Variants in CDK6 observed in about 807,000 individuals in gnomAD.
CDK6 encodes cyclin dependent kinase 6.
In CDK6, 6 loss-of-function variants were observed where a neutral mutation model predicts 37.1. The observed-to-expected ratio is 0.16, with a 90% CI of 0.09 to 0.32. The LOEUF (loss-of-function observed/expected upper bound fraction) is 0.32, where lower values mean the gene tolerates loss of function less well. Among genes scored for constraint, CDK6 ranks in the 10% least tolerant of loss-of-function variants. CDK6 has a pLI of 1.00. For missense variants in CDK6, 224 were observed against 418.9 expected, an observed-to-expected ratio of 0.53 and a Z score of 4.06; for synonymous variants, 160 against 161.3, an observed-to-expected ratio of 0.99 and a Z score of 0.06.
intron 4 of CDK6, among the ~76,000 whole-genome samples, chr7:92,697,668 A>AACC (rs2116654114): frequency 6.6e-6 from 1 of 152,288 alleles, no homozygotes; most frequent in East Asian, 1.9e-4. Flanking sequence ...TCACAGCTCT[A>AACC]ACCAATTGGT....
chr7:92,710,924 T>C, intron 4 of CDK6: 1 of 926,176 alleles, frequency 1.1e-6, no homozygotes. Context: ...GGATGCTTTA[T>C]TAGAGGACAG....
chr7:92,810,075 T>C (rs1215127093), intron 2 of CDK6, among the ~76,000 whole-genome samples: 2 of 152,226 alleles, frequency 1.3e-5, no homozygotes, highest in African/African-American at 4.8e-5. Flanking sequence ...CTGTCAATTC[T>C]ATATGCTGGT....
chr7:92,695,105 G>T (rs17164721), intron 4 of CDK6, among the ~76,000 whole-genome samples: 10,067 of 152,010 alleles, frequency 0.066, 678 homozygotes, highest in East Asian at 0.33. Flanking sequence ...ACAAAGTTAT[G>T]TCAATAATAG....
chr7:92,806,166 A>G (rs1295402815), intron 2 of CDK6, among the ~76,000 whole-genome samples: 2 of 152,188 alleles, frequency 1.3e-5, no homozygotes, highest in Non-Finnish European at 2.9e-5. Context: ...CTTCTTGAAA[A>G]AAGCATGATT....
intron 4 of CDK6, among the ~76,000 whole-genome samples, chr7:92,672,190 T>TACACAC (rs71107866): frequency 0.065 from 4,048 of 62,392 alleles, 334 homozygotes; most frequent in East Asian, 0.097. Context: ...CACAGACACA[T>TACACAC]ACACACACAC....
chr7:92,823,921 C>G (rs1801244448), intron 2 of CDK6, among the ~76,000 whole-genome samples: 1 of 152,062 alleles, frequency 6.6e-6, no homozygotes, highest in South Asian at 2.1e-4. Flanking sequence ...CCCATCCTAG[C>G]CTTCCAAAGT....
At chr7:92,695,273 A>G (rs2116649316) in intron 4 of CDK6, among the ~76,000 whole-genome samples, 1 of 142,498 alleles carries the variant, frequency 7.0e-6, no homozygotes, top group Non-Finnish European at 1.5e-5. Flanking sequence ...CCCTGAGGTA[A>G]AAAAAAAAAA....
At chr7:92,664,234 A>T (rs1002194088) in intron 5 of CDK6, among the ~76,000 whole-genome samples, 8 of 152,146 alleles carry the variant, frequency 5.3e-5, no homozygotes, top group African/African-American at 1.9e-4. Context: ...GAAAATATCC[A>T]ACAAAAGGTA....
At chr7:92,719,669 G>A (rs2116698003) in intron 4 of CDK6, among the ~76,000 whole-genome samples, 1 of 152,280 alleles carries the variant, frequency 6.6e-6, no homozygotes, top group African/African-American at 2.4e-5. Context: ...TTTGGCACAG[G>A]CATTTGAAGG....
At chr7:92,785,911 GCGAAGA>G (rs1359312010) in intron 2 of CDK6, among the ~76,000 whole-genome samples, 2 of 152,176 alleles carry the variant, frequency 1.3e-5, no homozygotes, top group East Asian at 3.8e-4. Context: ...ATGTTAAAAA[GCGAAGA>G]CTGCTGATAT....
chr7:92,815,523 G>C (rs1276245198), intron 2 of CDK6, among the ~76,000 whole-genome samples: 2 of 152,180 alleles, frequency 1.3e-5, no homozygotes, highest in Non-Finnish European at 2.9e-5. Flanking sequence ...TTGGACTATA[G>C]GTAGTAGAGG....
chr7:92,766,408 A>G (rs1023509736), intron 3 of CDK6, among the ~76,000 whole-genome samples: 1 of 152,190 alleles, frequency 6.6e-6, no homozygotes, highest in Admixed American at 6.5e-5. Context: ...TTGGGGCTCA[A>G]ACAACTGGCA....
At chr7:92,627,593 G>T (rs771551866) in intron 5 of CDK6, among the ~76,000 whole-genome samples, 1 of 151,840 alleles carries the variant, frequency 6.6e-6, no homozygotes, top group Non-Finnish European at 1.5e-5. Flanking sequence ...ACTTTTTGCT[G>T]TTTATAAGCC....
At chr7:92,677,585 G>C (rs897457738) in intron 4 of CDK6, among the ~76,000 whole-genome samples, 14 of 152,114 alleles carry the variant, frequency 9.2e-5, no homozygotes, top group South Asian at 4.1e-4. Flanking sequence ...CTTTAGTCTG[G>C]GTGAAAAGCA....
intron 4 of CDK6, among the ~76,000 whole-genome samples, chr7:92,718,832 C>A (rs1344949603): frequency 6.6e-6 from 1 of 152,242 alleles, no homozygotes; most frequent in African/African-American, 2.4e-5. Context: ...CTAGACATTT[C>A]TTTGTGTGAC....
chr7:92,664,889 G>A lies in CDK6; in HGVS notation c.647+6537C>T, dbSNP rs527469829. Among the ~76,000 whole-genome samples the A allele has an allele frequency of 1.3e-3, 197 of 151,556 alleles. 1 individual carries two copies. The highest frequency in any genetic ancestry group is 4.4e-3 in the African/African-American group (182 of 41,306). ...CAACCTCCACCTCCTGGGTTCAAGC[G>A]ATTCTCCTGCCTCAGCCTCCCGAGT... On this transcript the variant is annotated intron_variant, in intron 5 of 7. Transcript: ENST00000424848.
intron 3 of CDK6, among the ~76,000 whole-genome samples, chr7:92,728,393 T>C (rs1798562745): frequency 6.6e-6 from 1 of 152,232 alleles, no homozygotes; most frequent in Non-Finnish European, 1.5e-5. Flanking sequence ...GTACACATTA[T>C]TTTGTAGCTC....
chr7:92,622,319 C>G (rs552941815), intron 6 of CDK6, among the ~76,000 whole-genome samples: 1 of 152,216 alleles, frequency 6.6e-6, no homozygotes, highest in African/African-American at 2.4e-5. Flanking sequence ...AGAATTTGAG[C>G]ACAAGAAAGG....
chr7:92,698,348 A>G (rs1797767520), intron 4 of CDK6, among the ~76,000 whole-genome samples: 1 of 152,228 alleles, frequency 6.6e-6, no homozygotes, highest in Non-Finnish European at 1.5e-5. Context: ...CTCTTAGCGA[A>G]CAAAGCAAGC....
Sources: allele counts gnomAD v4.1 joint callset (sites outside exome capture counted in the v4.1 genomes callset), GRCh38; gene constraint gnomAD v4.1.1; transcripts MANE v1.5; gene names NCBI Gene and HGNC (gene_info 2026-07-23, HGNC 2026-07-21).